FIRRM: variants seen among roughly 807,000 people sequenced by gnomAD.
FIRRM encodes the protein FIGNL1-interacting regulator of recombination and mitosis.
At chr1:169,830,722 AC>A in the FIRRM span, 2 of 1,613,918 alleles carry the variant, frequency 1.2e-6, no homozygotes, top group Non-Finnish European at 1.7e-6. Flanking sequence ...CTGTGTGCAC[AC>A]CATGTCACCA....
At chr1:169,835,705 A>T in the FIRRM span, among the ~76,000 whole-genome samples, 5 of 152,114 alleles carry the variant, frequency 3.3e-5, no homozygotes, top group Non-Finnish European at 7.4e-5. Context: ...GGCAATACCT[A>T]CCCTTTTATG....
At chr1:169,813,406 A>G in the FIRRM span, among the ~76,000 whole-genome samples, 2 of 152,212 alleles carry the variant, frequency 1.3e-5, no homozygotes, top group East Asian at 1.9e-4. Flanking sequence ...CTGTTTTATC[A>G]ATTTACAAAT....
chr1:169,821,307 T>TC, the FIRRM span, among the ~76,000 whole-genome samples: 1 of 152,210 alleles, frequency 6.6e-6, no homozygotes, highest in Non-Finnish European at 1.5e-5. Context: ...TATCATTCTT[T>TC]CTTTGATTTG....
At chr1:169,793,540 T>C in the FIRRM span, 11 of 1,614,096 alleles carry the variant, frequency 6.8e-6, no homozygotes, top group East Asian at 6.7e-5. Context: ...GCAAGTCAAA[T>C]TGTTCTGCAG....
chr1:169,838,593 G>A, the FIRRM span, among the ~76,000 whole-genome samples: 1 of 151,928 alleles, frequency 6.6e-6, no homozygotes. Flanking sequence ...GGGCTTAAGC[G>A]ATTATCCTGC....
At chr1:169,803,555 A>G in the FIRRM span, among the ~76,000 whole-genome samples, 1 of 152,188 alleles carries the variant, frequency 6.6e-6, no homozygotes, top group Non-Finnish European at 1.5e-5. Flanking sequence ...AGAAGTTTTA[A>G]GAATTTGTGT....
the FIRRM span, chr1:169,794,513 T>G: frequency 6.5e-6 from 1 of 153,956 alleles, no homozygotes; most frequent in Admixed American, 6.5e-5. Context: ...GAGAGACCTG[T>G]AGAAATAAGA....
the FIRRM span, chr1:169,795,041 C>G: frequency 2.2e-6 from 3 of 1,334,096 alleles, no homozygotes; most frequent in South Asian, 2.5e-5. Context: ...GTTGGCGGGA[C>G]TGCGAGTTTC....
chr1:169,854,036 T>TTTTTCTTTC, the FIRRM span: 2 of 565,678 alleles, frequency 3.5e-6, no homozygotes, highest in African/African-American at 3.8e-5. Context: ...TAATCCCTTT[T>TTTTTCTTTC]TTTTCTTTTT....
the FIRRM span, chr1:169,853,759 C>A: frequency 6.2e-7 from 1 of 1,613,932 alleles, no homozygotes; most frequent in Non-Finnish European, 8.5e-7. Flanking sequence ...TTCTTCCCAG[C>A]CTTCAGCCTC....
the FIRRM span, chr1:169,830,378 T>A: frequency 6.6e-7 from 1 of 1,511,370 alleles, no homozygotes; most frequent in Non-Finnish European, 9.2e-7. Flanking sequence ...TTGGATTGGT[T>A]ATTAGTAGTG....
At chr1:169,808,264 A>G in the FIRRM span, among the ~76,000 whole-genome samples, 1 of 152,280 alleles carries the variant, frequency 6.6e-6, no homozygotes, top group East Asian at 1.9e-4. Context: ...AAGATCTGAT[A>G]TAGCTGCAAT....
the FIRRM span, chr1:169,802,789 C>A: frequency 1.1e-6 from 1 of 895,252 alleles, no homozygotes; most frequent in Non-Finnish European, 1.8e-6. Flanking sequence ...AATTTTTATA[C>A]TGATACTGAT....
At chr1:169,852,214 C>T in the FIRRM span, 7 of 427,544 alleles carry the variant, frequency 1.6e-5, no homozygotes, top group South Asian at 2.0e-4. Context: ...GCAGTCTTTA[C>T]TGAACCACAG....
the FIRRM span, chr1:169,843,880 C>CA: frequency 1.5e-6 from 1 of 655,214 alleles, no homozygotes; most frequent in East Asian, 2.7e-5. Flanking sequence ...CTTGTTGTGT[C>CA]ATATATTGAC....
At chr1:169,853,206 A>G in the FIRRM span, 1 of 565,428 alleles carries the variant, frequency 1.8e-6, no homozygotes, top group Non-Finnish European at 3.1e-6. Flanking sequence ...CTAGGTCCAC[A>G]AAGAACCATT....
At chr1:169,816,102 CT>C in the FIRRM span, among the ~76,000 whole-genome samples, 1 of 152,190 alleles carries the variant, frequency 6.6e-6, no homozygotes, top group African/African-American at 2.4e-5. Context: ...ACAGAATTAT[CT>C]TGTATTCCTA....
chr1:169,812,120 TA>T, the FIRRM span, among the ~76,000 whole-genome samples: 2 of 152,166 alleles, frequency 1.3e-5, no homozygotes, highest in African/African-American at 4.8e-5. Flanking sequence ...AATGTAAAAA[TA>T]AAACTCTAGG....
the FIRRM span, chr1:169,853,615 C>CACTT: frequency 7.8e-7 from 1 of 1,282,422 alleles, no homozygotes; most frequent in Non-Finnish European, 1.1e-6. Flanking sequence ...AAAAGCAGGC[C>CACTT]ACTTTGGGGT....
Sources: gnomAD v4.1 joint callset for allele counts (sites outside exome capture counted in the v4.1 genomes callset) on GRCh38, gnomAD v4.1.1 for gene constraint, MANE v1.5 for transcripts, NCBI Gene and HGNC (gene_info 2026-07-23, HGNC 2026-07-21) for gene names.